NOL7: variants seen among roughly 807,000 people sequenced by gnomAD.
The protein encoded by NOL7 is U3 small nucleolar RNA-associated protein NOL7.
In NOL7, 36 loss-of-function variants were observed where a neutral mutation model predicts 38.4. That is an observed-to-expected ratio of 0.94 (90% CI 0.72 to 1.24). The LOEUF is 1.24. NOL7 is among the 50% of genes most tolerant of loss of function. NOL7 has a pLI of 0.00. For missense variants in NOL7, 350 were observed against 315.1 expected (o/e 1.11, Z -0.84); for synonymous variants, 142 against 126.5 (o/e 1.12, Z -0.82).
intron 8 of NOL7, among the ~76,000 whole-genome samples, chr6:13,630,558 A>T (rs528646300): frequency 6.6e-6 from 1 of 152,314 alleles, no homozygotes; most frequent in South Asian, 2.1e-4. Flanking sequence ...ATATGCCCTA[A>T]AACAACAGTA....
intron 8 of NOL7, chr6:13,632,300 C>CA (rs1764809103): frequency 6.7e-7 from 1 of 1,496,020 alleles, no homozygotes; most frequent in Non-Finnish European, 9.1e-7. Context: ...GTACACTGCT[C>CA]AGTGTTTCAC....
intron 2 of NOL7, among the ~76,000 whole-genome samples, chr6:13,616,132 A>G (rs1467162998): frequency 1.3e-5 from 2 of 152,348 alleles, no homozygotes; most frequent in East Asian, 1.9e-4. Context: ...TAAGGGCTGT[A>G]CAGACTTAGT....
At chr6:13,615,885 A>G (rs1361510180) in intron 2 of NOL7, 113 bp downstream of exon 2, 2 of 1,087,430 alleles carry the variant, frequency 1.8e-6, no homozygotes, top group Non-Finnish European at 1.3e-6. Context: ...AGTCACCAAG[A>G]TTGCCTCTGA....
chr6:13,632,144 T>G (rs2127761468), intron 8 of NOL7, among the ~76,000 whole-genome samples: 3 of 82,898 alleles, frequency 3.6e-5, no homozygotes, highest in South Asian at 3.8e-4. Flanking sequence ...TTTTTTTTTT[T>G]TTTTTTTTTT....
Position 13,618,053 on chromosome 6 carries a change from TTTAG to T in NOL7, c.419-1_421del. ...CTAATTAGAAAATGTAACTCTATTT[TTTAG>T]TTAATTTGCAAAAGAAAAATGAAGA... is the stretch of plus-strand genomic sequence containing the variant. On this transcript the variant is annotated splice_acceptor_variant and splice_polypyrimidine_tract_variant and intron_variant, in intron 4 of 7. Coordinates refer to ENST00000451315, the MANE Select transcript of NOL7 (RefSeq NM_016167.5). LOFTEE classifies it high-confidence loss of function. 1.0e-5 allele frequency: 15 copies of T among 1,440,676 alleles called. No homozygotes were observed. Among genetic ancestry groups the T allele is most frequent in the Non-Finnish European group, 1.5e-5 (15 of 1,033,502 alleles). The allele number at this position is 1,440,676 out of a possible 1,614,324, so 89.2% of individuals were successfully genotyped here.
At chr6:13,619,776 G>A (rs1233819052) in intron 5 of NOL7, among the ~76,000 whole-genome samples, 1 of 152,188 alleles carries the variant, frequency 6.6e-6, no homozygotes. Flanking sequence ...GTTTCTTGTA[G>A]TCCTTGTAAT....
At chr6:13,632,227 A>T (rs1268286932) in intron 8 of NOL7, 1 of 446,240 alleles carries the variant, frequency 2.2e-6, no homozygotes, top group African/African-American at 2.3e-5. Flanking sequence ...AAATATTTCC[A>T]CTCTCAGATG....
At chr6:13,622,952 C>T (rs1379808687), downstream of NOL7, among the ~76,000 whole-genome samples, 1 of 152,182 alleles carries the variant, frequency 6.6e-6, no homozygotes, top group African/African-American at 2.4e-5. Context: ...GCCTAGCCAT[C>T]TCCAAGGCAT....
chr6:13,622,313 C>CAAA (rs766004793), downstream of NOL7: 1 of 1,426,096 alleles, frequency 7.0e-7, no homozygotes, highest in Admixed American at 2.6e-5. Context: ...GGTCTACTTC[C>CAAA]ATGTTGACTA....
chr6:13,630,620 G>C (rs185782887), intron 8 of NOL7, among the ~76,000 whole-genome samples: 1 of 152,026 alleles, frequency 6.6e-6, no homozygotes, highest in Non-Finnish European at 1.5e-5. Context: ...CAGGGGATCT[G>C]TGAAGTCAAA....
At chr6:13,625,479 A>ATTTGAAT (rs1764576323), downstream of NOL7, among the ~76,000 whole-genome samples, 2 of 152,162 alleles carry the variant, frequency 1.3e-5, no homozygotes, top group African/African-American at 4.8e-5. Flanking sequence ...ATTTAAATCC[A>ATTTGAAT]CTTGAATCTG....
downstream of NOL7, chr6:13,625,854 T>G: frequency 9.0e-6 from 8 of 887,200 alleles, no homozygotes; most frequent in Non-Finnish European, 1.3e-5. Flanking sequence ...AAATATGGCT[T>G]CCAGGCACAG....
At chr6:13,616,001 G>C (rs1023679385) in intron 2 of NOL7, among the ~76,000 whole-genome samples, 3 of 152,040 alleles carry the variant, frequency 2.0e-5, no homozygotes, top group Non-Finnish European at 4.4e-5. Flanking sequence ...ACACCACTGC[G>C]CTCCAGCCTG....
At chr6:13,627,549 G>C (rs1764643681) in intron 8 of NOL7, among the ~76,000 whole-genome samples, 1 of 144,782 alleles carries the variant, frequency 6.9e-6, no homozygotes, top group Admixed American at 7.2e-5. Flanking sequence ...AGAATCACTT[G>C]AACCCAGTAG....
chr6:13,617,893 C>A, intron 4 of NOL7, 92 bp downstream of exon 4: 1 of 1,298,510 alleles, frequency 7.7e-7, no homozygotes, highest in Non-Finnish European at 1.1e-6. Flanking sequence ...CTTAGAAAGC[C>A]AGCATGGGCC....
intron 5 of NOL7, 140 bp downstream of exon 5, chr6:13,618,279 C>T (rs927848091): frequency 2.5e-5 from 6 of 243,854 alleles, no homozygotes; most frequent in Middle Eastern, 1.5e-3. Flanking sequence ...CTCGCTCTGT[C>T]GCCCAGGCCG....
At position 13,620,061 on chromosome 6, in the gene NOL7, G is replaced by C. The variant is rs947110820; in HGVS notation, c.501-147G>C. On this transcript the variant is annotated intron_variant, in intron 5 of 7. Coordinates refer to ENST00000451315, the MANE Select transcript of NOL7 (RefSeq NM_016167.5). The stretch of plus-strand genomic sequence containing the variant: ...TCCCACTATTCAGGAGGCTGAGGCA[G>C]GCAAGTTGCTTGAACCTGGGAGGCA... The C allele has an allele frequency of 2.3e-4, 180 of 782,012 alleles. 1 individual carries two copies. Among genetic ancestry groups the C allele is most frequent in the Middle Eastern group, 3.7e-4 (1 of 2,676 alleles). The allele number at this position is 782,012 out of a possible 1,614,324, so 48.4% of individuals were successfully genotyped here. A position where few individuals can be genotyped will look rare whatever the true frequency, so the allele number is the denominator to read the frequency against.
intron 7 of NOL7, 44 bp from the exon 8 acceptor site, chr6:13,620,707 AATT>A (rs778831270): frequency 1.8e-5 from 24 of 1,323,144 alleles, no homozygotes; most frequent in African/African-American, 3.0e-5. Context: ...AAAAATTTTG[AATT>A]ATGTTTTTCT....
chr6:13,615,380 G>A lies in NOL7; in HGVS notation c.22G>A (p.Ala8Thr). 1 of 1,518,040 alleles carries A rather than the reference G, an allele frequency of 6.6e-7. No homozygotes were observed. Among genetic ancestry groups the A allele is most frequent in the Non-Finnish European group, 8.8e-7 (1 of 1,135,016 alleles). 94.0% of individuals were successfully genotyped at this position (1,518,040 alleles called of 1,614,324 possible). ...GGCCATGGTGCAGCTCCGACCGCGAGCGTCTCGCGCCCCGGCGTCGGCGGA... is the reference window on the plus strand; with the variant it reads ...GGCCATGGTGCAGCTCCGACCGCGAACGTCTCGCGCCCCGGCGTCGGCGGA... MVQLRPR[A>T]SRAPASAEAM... The change falls in exon 1 of 8, where the codon GCG becomes ACG. Residue 8 changes from alanine to threonine, a missense_variant. Physicochemically the swap from Ala to Thr is moderately conservative, Grantham distance 58. Coordinates refer to ENST00000451315, the MANE Select transcript of NOL7 (RefSeq NM_016167.5).
Sources: allele counts gnomAD v4.1 joint callset (sites outside exome capture counted in the v4.1 genomes callset), GRCh38; gene constraint gnomAD v4.1.1; transcripts MANE v1.5; gene names NCBI Gene and HGNC (gene_info 2026-07-23, HGNC 2026-07-21).